The following NFATC1 variants were observed in gnomAD, a reference collection of about 807,000 sequenced individuals.
NFATC1 encodes the protein nuclear factor of activated T cells 1.
In NFATC1, 22 loss-of-function variants were observed where a neutral mutation model predicts 76.0. The ratio of observed to expected loss-of-function variants is 0.29; its 90% CI spans 0.21 to 0.41. NFATC1 has a LOEUF of 0.41. NFATC1 is among the 10% of genes least tolerant of loss of function. NFATC1 has a pLI of 1.00. For missense variants in NFATC1, 1,357 were observed against 1,337.7 expected (o/e 1.01, Z -0.23); for synonymous variants, 704 against 613.1 (o/e 1.15, Z -2.19).
intron 8 of NFATC1, chr18:79,469,315 T>C: frequency 1.0e-6 from 1 of 985,456 alleles, no homozygotes; most frequent in Non-Finnish European, 1.2e-6. Flanking sequence ...TTTTTCTTAT[T>C]TGCTCAGCAT....
At position 79,410,474 on chromosome 18, in the gene NFATC1, G is replaced by T. The variant is rs766788174; in HGVS notation, c.199G>T (p.Ala67Ser). 5 of 1,612,214 alleles carry T rather than the reference G, an allele frequency of 3.1e-6. 1 individual carries two copies. The South Asian group carries it at 5.5e-5, about 18-fold the overall frequency. The change falls in exon 2 of 10, where the codon GCC becomes TCC. Residue 67 changes from alanine to serine, a missense_variant. Around this residue, in one of 3 missense-constraint regions of NFATC1, gnomAD observed 691 missense variants for 613.1 expected, o/e 1.13. Transcript: ENST00000427363. The surrounding 1 kb of genome is among the most constrained non-coding windows in gnomAD (Gnocchi z 6.7). ...CCCCACGGCGCACTCCACCCTGCCG[G>T]CCCCGTGCCACAACCTTCAGACCTC... ...PLPTAHSTLP[A>S]PCHNLQTSTP...
Position 79,451,643 on chromosome 18 carries a change from C to T in NFATC1, c.1763-33C>T, listed in dbSNP as rs777857972. 13 of 1,543,964 alleles carry T rather than the reference C, an allele frequency of 8.4e-6. No homozygotes were observed. In the Admixed American group the frequency reaches 2.4e-4, roughly 28 times the overall value. On this transcript the variant is annotated intron_variant, in intron 5 of 9. Coordinates refer to ENST00000427363, the MANE Select transcript of NFATC1 (RefSeq NM_001278669.2). ...TGTGCCCCAGGCCGCCCACTCAGGA[C>T]AGGCCCTCACTGCCCCTCTCCTTCT...
intron 1 of NFATC1, among the ~76,000 whole-genome samples, chr18:79,405,543 G>A (rs1029820664): frequency 6.6e-5 from 10 of 152,242 alleles, no homozygotes; most frequent in African/African-American, 2.4e-4. Context: ...GGAGGGAGGG[G>A]CTCACAGCCA....
chr18:79,506,115 TTTAC>T (rs2090116080), intron 9 of NFATC1, among the ~76,000 whole-genome samples: 1 of 152,202 alleles, frequency 6.6e-6, no homozygotes, highest in Admixed American at 6.5e-5. Context: ...CCACGTGCTT[TTTAC>T]TTTTCTTCAA....
intron 8 of NFATC1, among the ~76,000 whole-genome samples, chr18:79,472,712 C>T (rs2088835860): frequency 6.6e-6 from 1 of 152,218 alleles, no homozygotes; most frequent in African/African-American, 2.4e-5. Context: ...GCAGAGTAAA[C>T]CTGCCCACCT....
chr18:79,400,717 C>T (rs931060159), intron 1 of NFATC1, among the ~76,000 whole-genome samples: 3 of 151,266 alleles, frequency 2.0e-5, no homozygotes, highest in Non-Finnish European at 4.4e-5. Flanking sequence ...CGGGCGTGGA[C>T]GAAGTGGTCC....
intron 3 of NFATC1, among the ~76,000 whole-genome samples, chr18:79,436,520 C>T (rs62096886): frequency 0.18 from 26,987 of 151,260 alleles, 2,461 homozygotes; most frequent in Non-Finnish European, 0.18. Context: ...CCCGGTATCC[C>T]CGTCCTCCCG....
chr18:79,479,197 T>C (rs2089186928), intron 8 of NFATC1, among the ~76,000 whole-genome samples: 1 of 152,216 alleles, frequency 6.6e-6, no homozygotes, highest in African/African-American at 2.4e-5. Context: ...AGCCTGAAAA[T>C]GAGCTGCCCT....
At chr18:79,466,177 A>G (rs963004005) in intron 7 of NFATC1, among the ~76,000 whole-genome samples, 4 of 152,194 alleles carry the variant, frequency 2.6e-5, no homozygotes, top group Admixed American at 1.3e-4. Context: ...CTGGACCTCA[A>G]GTTGTCTTCA....
rs1409203174 is a variant in NFATC1, at chr18:79,461,352, G to A, written c.1945G>A (p.Asp649Asn). The A allele has an allele frequency of 1.3e-6, 2 of 1,488,206 alleles. No homozygotes were observed. The highest frequency in any genetic ancestry group is 2.7e-5 in the African/African-American group (1 of 36,600). 92.2% of individuals were successfully genotyped at this position (1,488,206 alleles called of 1,614,324 possible). ...GGAGATGGAAGCGAAAACTGACCGGGACCTGTGCAAGCCGGTGAGTGCCTT... is the reference window on the plus strand; with the variant it reads ...GGAGATGGAAGCGAAAACTGACCGGAACCTGTGCAAGCCGGTGAGTGCCTT... ...VWEMEAKTDR[D>N]LCKPNSLVVE... is the part of the protein sequence containing the mutation. The change falls in exon 7 of 10, where the codon GAC (aspartate) becomes AAC (asparagine). Residue 649 changes from aspartate (D) to asparagine (N), a missense_variant. Coordinates refer to ENST00000427363, the MANE Select transcript of NFATC1 (RefSeq NM_001278669.2).
At chr18:79,459,387 G>T (rs566299053) in intron 6 of NFATC1, among the ~76,000 whole-genome samples, 1 of 152,186 alleles carries the variant, frequency 6.6e-6, no homozygotes, top group Non-Finnish European at 1.5e-5. Flanking sequence ...GGAGGAGGCC[G>T]CGGGGGAGAC....
chr18:79,451,616 C>A (rs972050048), intron 5 of NFATC1, 60 bp from the exon 6 acceptor site: 3 of 1,448,622 alleles, frequency 2.1e-6, no homozygotes, highest in African/African-American at 2.9e-5. Context: ...GGGTGCCACA[C>A]GTGTGCCCCA....
chr18:79,486,065 C>G (rs2089483368), intron 8 of NFATC1, among the ~76,000 whole-genome samples, 183 bp from the exon 9 acceptor site: 1 of 151,552 alleles, frequency 6.6e-6, no homozygotes, highest in Admixed American at 6.6e-5. Context: ...TTAGAACCAG[C>G]TGCTACTCTC....
rs73492179 is a variant in NFATC1 at position 79,410,367 on chromosome 18, C to T, written c.128-36C>T. Reference sequence around the variant, plus strand: ...TGGGTTTCTGCTTTGTGATGCCCAGCCCCTCATGCTCCCATCTGCTTCTTT... The same window carrying T: ...TGGGTTTCTGCTTTGTGATGCCCAGTCCCTCATGCTCCCATCTGCTTCTTT... On this transcript the variant is annotated intron_variant, in intron 1 of 9. Transcript: ENST00000427363. The surrounding 1 kb of genome is among the most constrained non-coding windows in gnomAD (Gnocchi z 6.7). The T allele has an allele frequency of 4.7e-3, 7,299 of 1,565,416 alleles. 288 individuals are homozygous for T. In the African/African-American group the frequency reaches 0.086, roughly 19 times the overall value.
intron 8 of NFATC1, among the ~76,000 whole-genome samples, chr18:79,477,921 T>C (rs2089138648): frequency 2.0e-5 from 3 of 152,094 alleles, no homozygotes; most frequent in Admixed American, 2.0e-4. Context: ...CCTGATGACA[T>C]TGTTTAACCC....
At chr18:79,454,492 G>A (rs971247632) in intron 6 of NFATC1, among the ~76,000 whole-genome samples, 2 of 152,204 alleles carry the variant, frequency 1.3e-5, no homozygotes, top group African/African-American at 4.8e-5. Flanking sequence ...ATTGCGGGGA[G>A]CCGGCCGGGC....
At chr18:79,441,527 ATG>A (rs1381259402) in intron 3 of NFATC1, among the ~76,000 whole-genome samples, 4 of 152,076 alleles carry the variant, frequency 2.6e-5, no homozygotes, top group Admixed American at 2.6e-4. Flanking sequence ...CAGCTCCTTG[ATG>A]TGTCTCCCTG....
intron 9 of NFATC1, among the ~76,000 whole-genome samples, chr18:79,506,059 G>A (rs529084333): frequency 3.9e-5 from 6 of 152,300 alleles, no homozygotes; most frequent in East Asian, 3.9e-4. Flanking sequence ...ACGTGCCTCC[G>A]TAGAATGCTG....
intron 9 of NFATC1, among the ~76,000 whole-genome samples, chr18:79,518,247 C>T (rs1032726787): frequency 5.9e-5 from 9 of 152,192 alleles, no homozygotes; most frequent in African/African-American, 1.2e-4. Context: ...CTTTCCCGGT[C>T]GACATTCATG....
Sources: allele counts gnomAD v4.1 joint callset (sites outside exome capture counted in the v4.1 genomes callset), GRCh38; gene constraint gnomAD v4.1.1; regional missense constraint gnomAD v4.1.1; non-coding constraint Gnocchi (gnomAD v3.1); transcripts MANE v1.5; gene names NCBI Gene and HGNC (gene_info 2026-07-23, HGNC 2026-07-21).